The following EPHX3 variants were observed in gnomAD, a reference collection of about 807,000 sequenced individuals.
The protein encoded by EPHX3 is epoxide hydrolase 3.
EPHX3 carries 39 observed loss-of-function variants against 40.2 expected under a neutral mutation model. The observed-to-expected ratio is 0.97, with a 90% CI of 0.75 to 1.27. EPHX3 has a LOEUF of 1.27. Ranked by LOEUF, EPHX3 falls within the 50% of genes most tolerant of loss-of-function variation. The pLI is 0.00. For synonymous variants in EPHX3, 213 were observed against 209.7 expected (o/e 1.02, Z -0.14); for missense variants, 442 against 474.0 (o/e 0.93, Z 0.63).
At chr19:15,233,747 T>G (rs1347077063), upstream of EPHX3, among the ~76,000 whole-genome samples, 1 of 152,166 alleles carries the variant, frequency 6.6e-6, no homozygotes, top group Non-Finnish European at 1.5e-5. Flanking sequence ...TCACAGAGCC[T>G]TGCGGCCCTG....
At position 15,228,134 on chromosome 19, in the gene EPHX3, C is replaced by T. The variant is rs201667204; in HGVS notation, c.617-34G>A. On this transcript the variant is annotated intron_variant, in intron 4 of 6. Coordinates refer to ENST00000221730, the MANE Select transcript of EPHX3 (RefSeq NM_024794.3). ...GGAGGGTTGGGGGAGAGATATAAGG[C>T]CTGCTCCTGGGGTGGCCCCATACAC... 196 of 1,529,258 alleles carry T rather than the reference C, an allele frequency of 1.3e-4. No individual in the cohort carries two copies. In the African/African-American group the frequency reaches 2.4e-3, roughly 19 times the overall value. The allele number at this position is 1,529,258 out of a possible 1,614,324, so 94.7% of individuals were successfully genotyped here. A position where few individuals can be genotyped will look rare whatever the true frequency, so the allele number is the denominator to read the frequency against.
intron 4 of EPHX3, 53 bp downstream of exon 4, chr19:15,230,909 C>T: frequency 6.3e-7 from 1 of 1,599,752 alleles, no homozygotes; most frequent in Non-Finnish European, 8.5e-7. Flanking sequence ...AGACACATGT[C>T]CCTGCCCCCT....
chr19:15,234,777 C>T (rs1363093304), upstream of EPHX3, among the ~76,000 whole-genome samples: 2 of 152,160 alleles, frequency 1.3e-5, no homozygotes, highest in Non-Finnish European at 2.9e-5. Flanking sequence ...GTCAAGGCTG[C>T]TAAACATTAT....
At chr19:15,234,600 C>G (rs1055644431), upstream of EPHX3, among the ~76,000 whole-genome samples, 8 of 152,198 alleles carry the variant, frequency 5.3e-5, no homozygotes, top group African/African-American at 1.7e-4. Flanking sequence ...CCGTGCCTGA[C>G]CTTTATTTCT....
chr19:15,231,689 A>T (rs1002971021), intron 2 of EPHX3, 87 bp downstream of exon 2: 3 of 1,380,754 alleles, frequency 2.2e-6, no homozygotes, highest in African/African-American at 2.9e-5. Flanking sequence ...GTCCCGATCT[A>T]TACAGCCCTC....
chr19:15,229,211 C>T (rs1366409214), intron 4 of EPHX3, among the ~76,000 whole-genome samples: 1 of 152,024 alleles, frequency 6.6e-6, no homozygotes, highest in Non-Finnish European at 1.5e-5. Context: ...GAAAACCCGT[C>T]TCCACTAAAA....
In EPHX3 at chr19:15,227,322, C is replaced by T. The variant is rs191607342; in HGVS notation, c.*115G>A. 6.8e-5 allele frequency: 59 copies of T among 863,442 alleles called. No individual in the cohort carries two copies. The highest frequency in any genetic ancestry group is 2.7e-4 in the South Asian group (17 of 62,242). The allele number at this position is 863,442 out of a possible 1,614,324, so 53.5% of individuals were successfully genotyped here. On this transcript the variant is annotated 3_prime_UTR_variant, in exon 7 of 7. Coordinates refer to ENST00000221730, the MANE Select transcript of EPHX3 (RefSeq NM_024794.3). ...GATCCAGGAGTCCCATGCCTATGAGCGATTCAAGAGTTCACCCATGTATGG... is the reference window on the plus strand; with the variant it reads ...GATCCAGGAGTCCCATGCCTATGAGTGATTCAAGAGTTCACCCATGTATGG...
intron 4 of EPHX3, among the ~76,000 whole-genome samples, chr19:15,229,654 A>G (rs2047138526): frequency 6.6e-6 from 1 of 151,076 alleles, no homozygotes; most frequent in Non-Finnish European, 1.5e-5. Context: ...CAGCACTTTG[A>G]GAGGCCAAGG....
At chr19:15,231,706 G>T in intron 2 of EPHX3, 70 bp downstream of exon 2, 1 of 1,495,514 alleles carries the variant, frequency 6.7e-7, no homozygotes, top group Non-Finnish European at 9.3e-7. Context: ...CCTCCTCCCT[G>T]CCTCTTGGGA....
At chr19:15,236,923 CCA>C (rs1269868568), upstream of EPHX3, 2 of 206,808 alleles carry the variant, frequency 9.7e-6, no homozygotes, top group Non-Finnish European at 9.8e-6. Context: ...GTCAGTGACT[CCA>C]GAGTTTGGCC....
At chr19:15,229,182 C>T (rs1446961730) in intron 4 of EPHX3, among the ~76,000 whole-genome samples, 2 of 152,000 alleles carry the variant, frequency 1.3e-5, no homozygotes, top group African/African-American at 2.4e-5. Context: ...GAGTTAGACA[C>T]TAACCTGGGC....
At chr19:15,232,531 G>A, upstream of EPHX3, 1 of 890,986 alleles carries the variant, frequency 1.1e-6, no homozygotes. Flanking sequence ...CGGGGCTTAG[G>A]GCCGGGGCGG....
chr19:15,228,317 T>C (rs528710575), intron 4 of EPHX3, among the ~76,000 whole-genome samples: 14 of 152,182 alleles, frequency 9.2e-5, no homozygotes, highest in African/African-American at 3.4e-4. Flanking sequence ...GGGCATCTCC[T>C]GGGAACCCCC....
At chr19:15,236,077 C>T (rs750770883), upstream of EPHX3, 2 of 152,076 alleles carry the variant, frequency 1.3e-5, no homozygotes, top group Non-Finnish European at 2.9e-5. Context: ...GGGGGGACCT[C>T]TGGCTGGATG....
intron 5 of EPHX3, 37 bp from the exon 6 acceptor site, chr19:15,227,944 C>A (rs1289197109): frequency 2.5e-6 from 4 of 1,613,944 alleles, no homozygotes; most frequent in Non-Finnish European, 3.4e-6. Flanking sequence ...CAGTGCCCAG[C>A]CTGCCCAGCC....
At chr19:15,234,734 C>CA (rs1434409631), upstream of EPHX3, among the ~76,000 whole-genome samples, 3 of 152,198 alleles carry the variant, frequency 2.0e-5, no homozygotes, top group Non-Finnish European at 4.4e-5. Flanking sequence ...TGCCCCTTTC[C>CA]ACCTCCCACT....
chr19:15,236,977 T>C (rs1413342438), upstream of EPHX3: 1 of 196,676 alleles, frequency 5.1e-6, no homozygotes, highest in Non-Finnish European at 1.0e-5. Flanking sequence ...TGGGTTCTCA[T>C]GGCACGCGTA....
At chr19:15,228,726 A>AG (rs1322317586) in intron 4 of EPHX3, among the ~76,000 whole-genome samples, 2 of 151,588 alleles carry the variant, frequency 1.3e-5, no homozygotes, top group Non-Finnish European at 2.9e-5. Flanking sequence ...TCACAGTGTT[A>AG]GCCAGGATGG....
Position 15,227,818 on chromosome 19 carries a change from CTG to C in EPHX3, c.808_809del (p.Gln270AlafsTer132). The C allele has an allele frequency of 6.2e-7, 1 of 1,613,996 alleles. No homozygotes were observed. Among genetic ancestry groups the C allele is most frequent in the Non-Finnish European group, 8.5e-7 (1 of 1,180,010 alleles). On this transcript the variant is annotated frameshift_variant, in exon 6 of 7. Transcript: ENST00000221730. LOFTEE classifies it high-confidence loss of function. The part of the protein sequence containing the change: ...ELEAFLYNFS[Q>X]PGGLTGPLNY... Reference sequence around the variant, plus strand: ...TGAGGGGCCCAGTGAGGCCACCAGGCTGTGAGAAGTTATAAAGGAAGGCCTCG... The same window carrying C: ...TGAGGGGCCCAGTGAGGCCACCAGGCTGAGAAGTTATAAAGGAAGGCCTCG...
Sources: allele counts gnomAD v4.1 joint callset (sites outside exome capture counted in the v4.1 genomes callset), GRCh38; gene constraint gnomAD v4.1.1; transcripts MANE v1.5; gene names NCBI Gene and HGNC (gene_info 2026-07-23, HGNC 2026-07-21).